NOL4: variants seen among roughly 807,000 people sequenced by gnomAD.
NOL4 encodes the protein cancer/testis antigen 125.
A neutral mutation model predicts 75.9 loss-of-function variants in NOL4; 17 were observed. The ratio of observed to expected loss-of-function variants is 0.22; its 90% CI spans 0.15 to 0.34. The LOEUF is 0.34. Ranked by LOEUF, NOL4 falls within the 10% of genes least tolerant of loss-of-function variation. The pLI, the probability that NOL4 is intolerant of heterozygous loss-of-function variation, is 1.00. For missense variants in NOL4, 614 were observed against 793.5 expected (o/e 0.77, Z 2.72); for synonymous variants, 292 against 289.9 (o/e 1.01, Z -0.07).
intron 6 of NOL4, among the ~76,000 whole-genome samples, chr18:33,976,515 T>C (rs2071499132): frequency 6.6e-6 from 1 of 152,154 alleles, no homozygotes; most frequent in Admixed American, 6.6e-5. Context: ...GCAAACTTCA[T>C]CTTTTGATAC....
intron 1 of NOL4, among the ~76,000 whole-genome samples, chr18:34,177,081 T>G (rs1884699913): frequency 6.6e-6 from 1 of 151,968 alleles, no homozygotes; most frequent in East Asian, 1.9e-4. Context: ...GAATGATATG[T>G]CAAACCTACT....
intron 6 of NOL4, among the ~76,000 whole-genome samples, chr18:34,013,333 T>G (rs2074486709): frequency 6.6e-6 from 1 of 151,840 alleles, no homozygotes; most frequent in African/African-American, 2.4e-5. Flanking sequence ...CTAAGGCAAG[T>G]CTTATTCTCT....
In NOL4 at chr18:33,851,637, C is replaced by T. The variant is rs1202190582; in HGVS notation, c.*1205G>A. The T allele has an allele frequency of 6.6e-6, 1 of 152,328 alleles. No individual in the cohort carries two copies. The highest frequency in any genetic ancestry group is 2.4e-5 in the African/African-American group (1 of 41,426). The allele number at this position is 152,328 out of a possible 1,614,324, so 9.4% of individuals were successfully genotyped here. On this transcript the variant is annotated 3_prime_UTR_variant, in exon 11 of 11. Transcript: ENST00000261592. ...TCTCCCTAAATATTTAAAAAATAGG[C>T]TTGTCTCAGTGCACAAAGAAAACAT... is the stretch of plus-strand genomic sequence containing the variant.
At chr18:34,205,810 C>T (rs1322598306) in intron 1 of NOL4, among the ~76,000 whole-genome samples, 2 of 152,034 alleles carry the variant, frequency 1.3e-5, no homozygotes, top group Non-Finnish European at 1.5e-5. Context: ...AAACCCCAGG[C>T]AAAGGGATAC....
At chr18:33,853,931 G>A (rs2144115259) in intron 10 of NOL4, among the ~76,000 whole-genome samples, 1 of 152,132 alleles carries the variant, frequency 6.6e-6, no homozygotes, top group Non-Finnish European at 1.5e-5. Context: ...AGTCATTTGT[G>A]TTGAGAAGAT....
intron 6 of NOL4, among the ~76,000 whole-genome samples, chr18:33,983,257 A>G (rs759914316): frequency 2.1e-4 from 32 of 152,118 alleles, no homozygotes; most frequent in Admixed American, 5.2e-4. Flanking sequence ...ATATGATACT[A>G]TAATATAAGT....
chr18:34,029,765 G>A lies in NOL4; in HGVS notation c.773-10164C>T, dbSNP rs183349201. The stretch of plus-strand genomic sequence containing the variant: ...TAGTTTTCTGATAAAATGTTTAGAC[G>A]CTTTGTAGTGTGGATTGAGCATTAT... On this transcript the variant is annotated intron_variant, in intron 5 of 10. Transcript: ENST00000261592. Among the ~76,000 whole-genome samples, 735 of 152,252 alleles carry A rather than the reference G, an allele frequency of 4.8e-3. 4 individuals carry two copies. The highest frequency in any genetic ancestry group is 8.3e-3 in the Admixed American group (127 of 15,290).
intron 1 of NOL4, among the ~76,000 whole-genome samples, chr18:34,219,850 G>A (rs1303313390): frequency 6.6e-6 from 1 of 152,250 alleles, no homozygotes; most frequent in African/African-American, 2.4e-5. Context: ...TCCCACACCA[G>A]ACCTAAAATG....
rs533379498 is a variant in NOL4 at position 33,870,776 on chromosome 18, C to T, written c.1723+12468G>A. ...TAACCTATATCACCTGAAATAGGCA[C>T]CAACAAAAAAAATCCTAAATTCAGA... On this transcript the variant is annotated intron_variant, in intron 10 of 10. Transcript: ENST00000261592. Among the ~76,000 whole-genome samples the T allele has an allele frequency of 4.0e-5, 6 of 151,868 alleles. No homozygotes were observed. In the South Asian group the frequency reaches 1.2e-3, roughly 32 times the overall value.
chr18:33,981,284 T>C (rs2071936237), intron 6 of NOL4, among the ~76,000 whole-genome samples: 1 of 133,628 alleles, frequency 7.5e-6, no homozygotes, highest in Middle Eastern at 3.6e-3. Context: ...TTTGAAGCAA[T>C]GACTGAAATT....
At chr18:34,155,117 GA>G (rs35331523) in intron 1 of NOL4, among the ~76,000 whole-genome samples, 3 of 151,332 alleles carry the variant, frequency 2.0e-5, no homozygotes, top group East Asian at 1.9e-4. Context: ...TCCATACTTC[GA>G]AAAAATAAAT....
chr18:33,992,349 G>T (rs1247802817), intron 6 of NOL4, among the ~76,000 whole-genome samples: 1 of 151,642 alleles, frequency 6.6e-6, no homozygotes, highest in African/African-American at 2.4e-5. Flanking sequence ...GAGTTAACAG[G>T]CCAGATCAAC....
intron 5 of NOL4, among the ~76,000 whole-genome samples, chr18:34,048,031 T>A (rs1379506040): frequency 1.3e-5 from 2 of 152,116 alleles, no homozygotes; most frequent in Non-Finnish European, 2.9e-5. Flanking sequence ...AAAAGGACAT[T>A]TACAAACCTA....
At chr18:34,039,265 G>A (rs2076040320) in intron 5 of NOL4, among the ~76,000 whole-genome samples, 1 of 151,920 alleles carries the variant, frequency 6.6e-6, no homozygotes. Flanking sequence ...TCCATATTGA[G>A]TAGCATAATA....
intron 5 of NOL4, among the ~76,000 whole-genome samples, chr18:34,035,198 A>G (rs1361935666): frequency 6.6e-6 from 1 of 152,220 alleles, no homozygotes; most frequent in Non-Finnish European, 1.5e-5. Context: ...ATTCTCCAGG[A>G]CCTACTATAT....
intron 6 of NOL4, among the ~76,000 whole-genome samples, chr18:33,990,223 G>A (rs142217623): frequency 1.3e-5 from 2 of 152,142 alleles, no homozygotes; most frequent in African/African-American, 4.8e-5. Flanking sequence ...TTAGAAAATA[G>A]AAGTGAGCTA....
intron 6 of NOL4, among the ~76,000 whole-genome samples, chr18:34,006,902 C>T (rs909981457): frequency 9.9e-5 from 15 of 151,938 alleles, no homozygotes; most frequent in Admixed American, 2.6e-4. Flanking sequence ...ATGTATGATG[C>T]TGTGTCTTTG....
At chr18:33,909,063 GTTAT>G (rs2066235425) in intron 9 of NOL4, among the ~76,000 whole-genome samples, 1 of 151,996 alleles carries the variant, frequency 6.6e-6, no homozygotes, top group African/African-American at 2.4e-5. Flanking sequence ...AGAACAACTT[GTTAT>G]TTAAGTTGTT....
chr18:34,074,327 CA>C (rs925128993), intron 5 of NOL4, among the ~76,000 whole-genome samples: 11 of 150,988 alleles, frequency 7.3e-5, no homozygotes, highest in African/African-American at 2.7e-4. Context: ...TTGAAAAATA[CA>C]AAAAGTCTAA....
Sources: allele counts gnomAD v4.1 joint callset (sites outside exome capture counted in the v4.1 genomes callset), GRCh38; gene constraint gnomAD v4.1.1; transcripts MANE v1.5; gene names NCBI Gene and HGNC (gene_info 2026-07-23, HGNC 2026-07-21).